The following FBXO38 variants were observed in gnomAD, a reference collection of about 807,000 sequenced individuals.
The protein encoded by FBXO38 is F-box protein 38, also known as F-box only protein 38.
A neutral mutation model predicts 131.9 loss-of-function variants in FBXO38; 53 were observed. That is an observed-to-expected ratio of 0.40 (90% CI 0.32 to 0.51). FBXO38 has a LOEUF of 0.51. Ranked by LOEUF, FBXO38 falls within the 20% of genes least tolerant of loss-of-function variation. FBXO38 has a pLI of 0.53. For synonymous variants in FBXO38, 452 were observed against 505.6 expected (o/e 0.89, Z 1.42); for missense variants, 1,076 against 1,475.6 (o/e 0.73, Z 4.44).
chr5:148,436,314 A>G (rs1228143149), intron 17 of FBXO38, among the ~76,000 whole-genome samples: 1 of 152,208 alleles, frequency 6.6e-6, no homozygotes, highest in Non-Finnish European at 1.5e-5. Flanking sequence ...AGTAATGCCT[A>G]GTGATGTTAA....
At chr5:148,436,081 TG>T (rs1298167551) in intron 17 of FBXO38, among the ~76,000 whole-genome samples, 1 of 152,216 alleles carries the variant, frequency 6.6e-6, no homozygotes. Context: ...TTTGAAATAC[TG>T]CAAGAATTAT....
intron 3 of FBXO38, 95 bp from the exon 4 acceptor site, chr5:148,401,887 A>G: frequency 8.5e-7 from 1 of 1,176,166 alleles, no homozygotes; most frequent in Non-Finnish European, 1.2e-6. Flanking sequence ...TTGAAGAGGA[A>G]GTCTTTTTTA....
chr5:148,406,608 A>C (rs1292335060), intron 7 of FBXO38, among the ~76,000 whole-genome samples: 2 of 152,136 alleles, frequency 1.3e-5, no homozygotes, highest in African/African-American at 4.8e-5. Flanking sequence ...TAGACAGTAG[A>C]GTGATAAGAC....
At chr5:148,406,548 A>C (rs1752455860) in intron 7 of FBXO38, among the ~76,000 whole-genome samples, 154 bp downstream of exon 7, 1 of 152,206 alleles carries the variant, frequency 6.6e-6, no homozygotes, top group African/African-American at 2.4e-5. Flanking sequence ...AGTAACCATG[A>C]GCATAGCTAG....
At chr5:148,424,247 T>C (rs996842349) in intron 13 of FBXO38, 130 bp downstream of exon 13, 2 of 898,870 alleles carry the variant, frequency 2.2e-6, no homozygotes, top group Non-Finnish European at 3.4e-6. Context: ...TATTGATTAC[T>C]GAGAACTGTA....
Position 148,417,078 on chromosome 5 carries a change from G to A in FBXO38, c.1492G>A (p.Asp498Asn), listed in dbSNP as rs748833930. ...LVSNQNSNND[D>N]NNAQNNNANI... ...TAGCAACCAGAACTCCAACAATGAC[G>A]ATAATAATGCCCAGAATAACAATGC... is the stretch of plus-strand genomic sequence containing the variant. Residue 498 changes from aspartate (D) to asparagine (N), a missense_variant, in exon 12 of 22, where the codon GAT becomes AAT. Physicochemically the swap from Asp to Asn is conservative, Grantham distance 23 (BLOSUM62 1). Transcript: ENST00000340253. The A allele has an allele frequency of 1.1e-5, 17 of 1,613,258 alleles. No individual in the cohort carries two copies. Among genetic ancestry groups the A allele is most frequent in the South Asian group, 2.2e-5 (2 of 91,066 alleles).
chr5:148,408,224 T>G (rs1752547541), intron 7 of FBXO38, among the ~76,000 whole-genome samples: 1 of 152,202 alleles, frequency 6.6e-6, no homozygotes, highest in Non-Finnish European at 1.5e-5. Flanking sequence ...ATGAAAAAGA[T>G]AAAAACAGTA....
chr5:148,410,370 CTT>C (rs764550503), intron 8 of FBXO38: 5 of 462,420 alleles, frequency 1.1e-5, no homozygotes, highest in African/African-American at 4.1e-5. Flanking sequence ...CACAGCCTCT[CTT>C]TTTTTGCCTG....
At chr5:148,393,225 G>T (rs1758302134) in intron 1 of FBXO38, among the ~76,000 whole-genome samples, 1 of 150,654 alleles carries the variant, frequency 6.6e-6, no homozygotes, top group Admixed American at 6.6e-5. Flanking sequence ...GTGTGTGTGT[G>T]TGTGTGTGTG....
intron 17 of FBXO38, among the ~76,000 whole-genome samples, 200 bp from the exon 18 acceptor site, chr5:148,438,132 A>C (rs1754457613): frequency 6.6e-6 from 1 of 152,214 alleles, no homozygotes; most frequent in African/African-American, 2.4e-5. Flanking sequence ...AGAAAAAGGC[A>C]CTTTAATGCC....
chr5:148,408,989 C>T (rs1385055165), intron 7 of FBXO38, 135 bp from the exon 8 acceptor site: 3 of 550,734 alleles, frequency 5.4e-6, no homozygotes, highest in African/African-American at 3.8e-5. Flanking sequence ...ATATTAATTT[C>T]AATGCAAAAA....
intron 14 of FBXO38, 125 bp from the exon 15 acceptor site, chr5:148,427,088 T>C: frequency 8.9e-7 from 1 of 1,119,990 alleles, no homozygotes; most frequent in South Asian, 1.7e-5. Flanking sequence ...ATCACAGTTA[T>C]ACTTTAGGAA....
chr5:148,422,951 GGTTTGTTTGTTT>G lies in FBXO38; in HGVS notation c.1619-1022_1619-1011del, dbSNP rs79554071. Among the ~76,000 whole-genome samples the G allele has an allele frequency of 1.3e-4, 20 of 151,102 alleles. No homozygotes were observed. The South Asian group carries it at 1.7e-3, about 13-fold the overall frequency. On this transcript the variant is annotated intron_variant, in intron 12 of 21. Coordinates refer to ENST00000340253, the MANE Select transcript of FBXO38 (RefSeq NM_205836.3). ...CATCTCTATCACAACACAGATAACT[GGTTTGTTTGTTT>G]GTTTGTTTGTTTGTTTGTTTGTTTT...
intron 16 of FBXO38, 30 bp downstream of exon 16, chr5:148,433,554 C>T: frequency 6.4e-7 from 1 of 1,571,916 alleles, no homozygotes; most frequent in Non-Finnish European, 8.7e-7. Flanking sequence ...TTACCTTTAT[C>T]ACAGTCTAGC....
At chr5:148,431,223 G>A (rs1163551354) in intron 15 of FBXO38, among the ~76,000 whole-genome samples, 1 of 152,112 alleles carries the variant, frequency 6.6e-6, no homozygotes, top group Non-Finnish European at 1.5e-5. Context: ...TGATACTAGC[G>A]GATGTTTTGA....
At chr5:148,404,587 CT>C in intron 5 of FBXO38, 97 bp from the exon 6 acceptor site, 1 of 1,002,832 alleles carries the variant, frequency 1.0e-6, no homozygotes, top group Non-Finnish European at 1.4e-6. Flanking sequence ...GAAGGTTAAG[CT>C]GTTAATATGA....
At chr5:148,414,352 T>A in intron 10 of FBXO38, 46 bp downstream of exon 10, 1 of 1,406,988 alleles carries the variant, frequency 7.1e-7, no homozygotes, top group Non-Finnish European at 9.6e-7. Context: ...GATACTGAAA[T>A]AATACAACTT....
intron 14 of FBXO38, among the ~76,000 whole-genome samples, chr5:148,426,730 C>T (rs1029642431): frequency 2.6e-5 from 4 of 152,120 alleles, no homozygotes; most frequent in Admixed American, 2.6e-4. Context: ...TCTGTCTTTA[C>T]AGAAGTTCTA....
At chr5:148,408,911 T>C (rs1384807913) in intron 7 of FBXO38, among the ~76,000 whole-genome samples, 6 of 152,202 alleles carry the variant, frequency 3.9e-5, no homozygotes, top group African/African-American at 7.2e-5. Context: ...ATGCCATCAG[T>C]GTCTTTGCAA....
Sources: gnomAD v4.1 joint callset for allele counts (sites outside exome capture counted in the v4.1 genomes callset) on GRCh38, gnomAD v4.1.1 for gene constraint, MANE v1.5 for transcripts, NCBI Gene and HGNC (gene_info 2026-07-23, HGNC 2026-07-21) for gene names.